HCFC2: variants seen among roughly 807,000 people sequenced by gnomAD.
The protein encoded by HCFC2 is host cell factor C2.
In HCFC2, 18 loss-of-function variants were observed where a neutral mutation model predicts 89.2. The ratio of observed to expected loss-of-function variants is 0.20; its 90% CI spans 0.14 to 0.30. The LOEUF (loss-of-function observed/expected upper bound fraction) is 0.30. Ranked by LOEUF, HCFC2 falls within the 10% of genes least tolerant of loss-of-function variation. The probability of loss-of-function intolerance (pLI) is 1.00; values close to 1 mark genes in which losing one functional copy is unlikely to be tolerated. For missense variants in HCFC2, 578 were observed against 956.1 expected (o/e 0.60, Z 5.21); for synonymous variants, 308 against 335.7 (o/e 0.92, Z 0.90).
rs983923544 is a variant in HCFC2, at chr12:104,103,470, GTA to G, written c.*201_*202del. ...AGAAGCAAAGACTCTCTGAAAATTA[GTA>G]TATGAGTTCTTCCTTACAGATATAG... On this transcript the variant is annotated 3_prime_UTR_variant, in exon 15 of 15. Transcript: ENST00000229330. 1.3e-5 allele frequency: 7 copies of G among 541,446 alleles called. No individual in the cohort carries two copies. The highest frequency in any genetic ancestry group is 2.0e-5 in the Non-Finnish European group (6 of 307,632). The allele number at this position is 541,446 out of a possible 1,614,324, so 33.5% of individuals were successfully genotyped here.
intron 5 of HCFC2, 96 bp downstream of exon 5, chr12:104,080,926 A>G: frequency 1.4e-6 from 1 of 734,562 alleles, no homozygotes; most frequent in African/African-American, 1.8e-5. Flanking sequence ...TTGGAAATAG[A>G]TTATGAAACT....
chr12:104,065,766 C>T (rs1883092679), intron 1 of HCFC2, among the ~76,000 whole-genome samples: 1 of 152,128 alleles, frequency 6.6e-6, no homozygotes. Flanking sequence ...AGTTACCAAA[C>T]CTTTTTAAGC....
Position 104,103,218 on chromosome 12 carries a change from C to T in HCFC2, c.2324C>T (p.Pro775Leu), listed in dbSNP as rs761677309. ...ISAKNEKGYG[P>L]ATQVRWLQGN... ...GCAAAGAATGAAAAGGGATATGGAC[C>T]AGCTACACAAGTTCGGTGGCTTCAA... Residue 775 changes from proline (P) to leucine (L), a missense_variant, in exon 15 of 15, where the codon CCA becomes CTA. Coordinates refer to ENST00000229330, the MANE Select transcript of HCFC2 (RefSeq NM_013320.3). The T allele has an allele frequency of 3.1e-6, 5 of 1,613,950 alleles. No individual in the cohort carries two copies. The highest frequency in any genetic ancestry group is 4.2e-6 in the Non-Finnish European group (5 of 1,179,868).
rs1253619657 is a variant in HCFC2 at position 104,095,637 on chromosome 12, A to G, written c.1666+74A>G. 1.7e-6 allele frequency: 2 copies of G among 1,163,220 alleles called. No individual in the cohort carries two copies. The highest frequency in any genetic ancestry group is 2.5e-6 in the Non-Finnish European group (2 of 809,214). 72.1% of individuals were successfully genotyped at this position (1,163,220 alleles called of 1,614,324 possible). A position where few individuals can be genotyped will look rare whatever the true frequency, so the allele number is the denominator to read the frequency against. ...AATTCATCAAACTTACTTGTCTTAG[A>G]TGGGAGTTGCATTTCATCTTGGAAT... On this transcript the variant is annotated intron_variant, in intron 11 of 14. Coordinates refer to ENST00000229330, the MANE Select transcript of HCFC2 (RefSeq NM_013320.3). The surrounding 1 kb of genome is among the most constrained non-coding windows in gnomAD (Gnocchi z 4.2).
chr12:104,072,699 G>T (rs1007496181), intron 3 of HCFC2, among the ~76,000 whole-genome samples: 4 of 151,552 alleles, frequency 2.6e-5, no homozygotes, highest in African/African-American at 7.3e-5. Flanking sequence ...CTGGAGTGCA[G>T]TGGCGCAATC....
chr12:104,083,552 A>G (rs1883745178), intron 7 of HCFC2, among the ~76,000 whole-genome samples: 1 of 152,100 alleles, frequency 6.6e-6, no homozygotes, highest in Admixed American at 6.5e-5. Flanking sequence ...GTGAAATCTG[A>G]GTTGTCTATA....
In HCFC2 at chr12:104,105,859, G is replaced by A. The variant is rs2030072941; in HGVS notation, c.*2586G>A. The A allele has an allele frequency of 6.6e-6, 1 of 152,042 alleles. No homozygotes were observed. Among genetic ancestry groups the A allele is most frequent in the Admixed American group, 6.6e-5 (1 of 15,260 alleles). 9.4% of individuals were successfully genotyped at this position (152,042 alleles called of 1,614,324 possible). On this transcript the variant is annotated 3_prime_UTR_variant, in exon 15 of 15. Transcript: ENST00000229330. ...AGATATTTTTCATAGGATTTGCACT[G>A]AGTTAAATGACTTTCTTTACTCTTC...
intron 13 of HCFC2, among the ~76,000 whole-genome samples, chr12:104,101,250 G>A (rs780542488): frequency 2.0e-5 from 3 of 152,168 alleles, no homozygotes; most frequent in Non-Finnish European, 4.4e-5. Context: ...TTGGGAGGCC[G>A]ACGCAGGTGG....
intron 13 of HCFC2, among the ~76,000 whole-genome samples, chr12:104,100,001 C>T (rs1413117954): frequency 6.6e-6 from 1 of 152,114 alleles, no homozygotes; most frequent in Non-Finnish European, 1.5e-5. Flanking sequence ...CTGACTAGCA[C>T]AAATAAGAGT....
rs536966228 is a variant in HCFC2 at position 104,078,281 on chromosome 12, G to A, written c.474-1164G>A. Among the ~76,000 whole-genome samples, 277 of 152,268 alleles carry A rather than the reference G, an allele frequency of 1.8e-3. 1 individual carries two copies. The highest frequency in any genetic ancestry group is 6.3e-3 in the African/African-American group (262 of 41,556). ...CTCCCAAAGTGCTGGGATTACAGGC[G>A]TGAGTCACCGCGCCAGGCCTATTCA... On this transcript the variant is annotated intron_variant, in intron 3 of 14. Coordinates refer to ENST00000229330, the MANE Select transcript of HCFC2 (RefSeq NM_013320.3).
intron 2 of HCFC2, among the ~76,000 whole-genome samples, chr12:104,067,100 A>C (rs911515048): frequency 1.3e-5 from 2 of 152,160 alleles, no homozygotes; most frequent in Non-Finnish European, 2.9e-5. Context: ...CAAATTCTTA[A>C]GTATTAAGTA....
intron 8 of HCFC2, 45 bp downstream of exon 8, chr12:104,087,059 T>A (rs528208062): frequency 6.3e-7 from 1 of 1,593,080 alleles, no homozygotes; most frequent in Non-Finnish European, 8.6e-7. Context: ...CACATGCTTT[T>A]AAAAATATAT....
chr12:104,086,896 C>A lies in HCFC2; in HGVS notation c.1113C>A (p.Asn371Lys), dbSNP rs1430856779. ...TACAGCTGATCAAAGCCACTACCAACTCCTTTCATGTCAAGTGGGATGAAG... is the reference window on the plus strand; with the variant it reads ...TACAGCTGATCAAAGCCACTACCAAATCCTTTCATGTCAAGTGGGATGAAG... Reference protein sequence around the residue: ...SQVQLIKATTNSFHVKWDEVS... With the variant: ...SQVQLIKATTKSFHVKWDEVS... The change falls in exon 8 of 15, where the codon AAC (asparagine) becomes AAA (lysine). Residue 371 changes from asparagine (N) to lysine (K), a missense_variant. Coordinates refer to ENST00000229330, the MANE Select transcript of HCFC2 (RefSeq NM_013320.3). The A allele has an allele frequency of 2.5e-6, 4 of 1,613,976 alleles. No homozygotes were observed. Among genetic ancestry groups the A allele is most frequent in the African/African-American group, 1.3e-5 (1 of 75,032 alleles).
intron 3 of HCFC2, among the ~76,000 whole-genome samples, chr12:104,076,440 T>A (rs1883497509): frequency 6.6e-6 from 1 of 152,268 alleles, no homozygotes; most frequent in Admixed American, 6.5e-5. Context: ...CAGATTGTCT[T>A]TTGTAAATGG....
At chr12:104,100,672 A>G (rs1239266678) in intron 13 of HCFC2, among the ~76,000 whole-genome samples, 1 of 152,206 alleles carries the variant, frequency 6.6e-6, no homozygotes, top group Non-Finnish European at 1.5e-5. Flanking sequence ...AATGAGGATT[A>G]TATCCTATAT....
chr12:104,083,715 A>G (rs1883750624), intron 7 of HCFC2, among the ~76,000 whole-genome samples: 1 of 152,152 alleles, frequency 6.6e-6, no homozygotes. Context: ...ATTATTTTAA[A>G]ATAAAAGATT....
intron 5 of HCFC2, among the ~76,000 whole-genome samples, chr12:104,081,879 T>C (rs1410381539): frequency 7.4e-6 from 1 of 135,252 alleles, no homozygotes; most frequent in African/African-American, 2.8e-5. Context: ...TACTCTAGCC[T>C]GGGCAACAGA....
At chr12:104,087,375 ACACACACG>A (rs1883885021) in intron 8 of HCFC2, among the ~76,000 whole-genome samples, 2 of 148,498 alleles carry the variant, frequency 1.3e-5, no homozygotes, top group African/African-American at 2.5e-5. Context: ...AAAAATTCAC[ACACACACG>A]CACACAAGCA....
In HCFC2 at chr12:104,093,438, C is replaced by G. The variant is rs147689138; in HGVS notation, c.1337C>G (p.Thr446Ser). 1 of 1,613,222 alleles carries G rather than the reference C, an allele frequency of 6.2e-7. No individual in the cohort carries two copies. The highest frequency in any genetic ancestry group is 1.7e-5 in the Admixed American group (1 of 59,914). Residue 446 changes from threonine (T) to serine (S), a missense_variant, in exon 10 of 15, where the codon ACT becomes AGT. Physicochemically the swap from Thr to Ser is moderately conservative, Grantham distance 58. This residue lies in a region of HCFC2 where 210 missense variants were observed against 251.7 expected (regional missense o/e 0.83). Transcript: ENST00000229330. ...ACTGAACAGCCAGCCACAAAAGAAA[C>G]TTCAATGAAAAACAAACCAGACTTT... ...TKTEQPATKE[T>S]SMKNKPDFKA...
Sources: gnomAD v4.1 joint callset for allele counts (sites outside exome capture counted in the v4.1 genomes callset) on GRCh38, gnomAD v4.1.1 for gene constraint, gnomAD v4.1.1 regional missense constraint, Gnocchi (gnomAD v3.1) non-coding constraint, MANE v1.5 for transcripts, NCBI Gene and HGNC (gene_info 2026-07-23, HGNC 2026-07-21) for gene names.